The following CEP295 variants were observed in gnomAD, a reference collection of about 807,000 sequenced individuals.
CEP295 encodes the protein centrosomal protein 295.
A neutral mutation model predicts 291.6 loss-of-function variants in CEP295; 190 were observed. That is an observed-to-expected ratio of 0.65 (90% CI 0.58 to 0.73). The LOEUF (loss-of-function observed/expected upper bound fraction) is 0.73, where lower values mean the gene tolerates loss of function less well. CEP295 is among the 30% of genes least tolerant of loss of function. The pLI, the probability that CEP295 is intolerant of heterozygous loss-of-function variation, is 0.00. For synonymous variants in CEP295, 993 were observed against 1,038.8 expected (o/e 0.96, Z 0.85); for missense variants, 2,863 against 2,949.4 (o/e 0.97, Z 0.68).
intron 15 of CEP295, among the ~76,000 whole-genome samples, chr11:93,701,570 T>C (rs1775819320): frequency 6.6e-6 from 1 of 152,026 alleles, no homozygotes; most frequent in Admixed American, 6.5e-5. Flanking sequence ...AAAGATGAAA[T>C]GGAGGCTAAG....
chr11:93,701,424 A>G (rs1409461253), intron 15 of CEP295, among the ~76,000 whole-genome samples: 2 of 152,216 alleles, frequency 1.3e-5, no homozygotes, highest in Non-Finnish European at 2.9e-5. Flanking sequence ...ATAGAATTCT[A>G]CAAATCCTTT....
At chr11:93,688,181 T>C (rs1951340097) in intron 10 of CEP295, among the ~76,000 whole-genome samples, 1 of 152,216 alleles carries the variant, frequency 6.6e-6, no homozygotes, top group Non-Finnish European at 1.5e-5. Context: ...TTTAGTGAAG[T>C]CTTTGCCCAC....
At chr11:93,708,831 G>A (rs1952696545) in intron 18 of CEP295, among the ~76,000 whole-genome samples, 2 of 152,226 alleles carry the variant, frequency 1.3e-5, no homozygotes, top group South Asian at 4.2e-4. Flanking sequence ...TTAGATAAAA[G>A]CCATTTTAAC....
rs769478859 is a variant in CEP295 at position 93,729,582 on chromosome 11, A to G, written c.7400-32A>G. ...CTAATGGAAAGTAGATACTTTGCCT[A>G]TTTCTGTCATAAATTTCTTTTCCCC... On this transcript the variant is annotated intron_variant, in intron 26 of 29. Transcript: ENST00000325212. The G allele has an allele frequency of 5.8e-6, 9 of 1,549,780 alleles. No homozygotes were observed. In the South Asian group the frequency reaches 8.3e-5, roughly 14 times the overall value.
intron 5 of CEP295, among the ~76,000 whole-genome samples, chr11:93,670,068 A>T (rs1950361569): frequency 6.6e-6 from 1 of 152,266 alleles, no homozygotes; most frequent in South Asian, 2.1e-4. Flanking sequence ...TGTCAAAAAA[A>T]TTTTGTTGTT....
chr11:93,669,782 T>G lies in CEP295; in HGVS notation c.528+12T>G. Reference sequence around the variant, plus strand: ...CAACTCTTTTTGAGGTGAGTTTGAGTATTAAGAGGAACTAGGTCATAATTC... The same window carrying G: ...CAACTCTTTTTGAGGTGAGTTTGAGGATTAAGAGGAACTAGGTCATAATTC... On this transcript the variant is annotated intron_variant, in intron 5 of 29. Coordinates refer to ENST00000325212, the MANE Select transcript of CEP295 (RefSeq NM_033395.2). The G allele has an allele frequency of 6.6e-7, 1 of 1,510,440 alleles. No individual in the cohort carries two copies. The highest frequency in any genetic ancestry group is 9.0e-7 in the Non-Finnish European group (1 of 1,110,464). 93.6% of individuals were successfully genotyped at this position (1,510,440 alleles called of 1,614,324 possible).
intron 13 of CEP295, among the ~76,000 whole-genome samples, chr11:93,696,001 T>C (rs1232000741): frequency 6.6e-6 from 1 of 152,140 alleles, no homozygotes; most frequent in Non-Finnish European, 1.5e-5. Context: ...GTAAAATGCC[T>C]TTGTAATTCT....
intron 5 of CEP295, among the ~76,000 whole-genome samples, chr11:93,673,456 C>T (rs1950542385): frequency 6.6e-6 from 1 of 151,994 alleles, no homozygotes; most frequent in Non-Finnish European, 1.5e-5. Flanking sequence ...AGGTAATTCT[C>T]AACTTTGGCT....
Position 93,696,373 on chromosome 11 carries a change from G to A in CEP295, c.1725G>A (p.Arg575=). 5 of 1,550,702 alleles carry A rather than the reference G, an allele frequency of 3.2e-6. No individual in the cohort carries two copies. Among genetic ancestry groups the A allele is most frequent in the Non-Finnish European group, 4.4e-6 (5 of 1,146,306 alleles). The change falls in exon 14 of 30, where the codon AGG becomes AGA. Residue 575 remains arginine, a synonymous_variant. Transcript: ENST00000325212. The stretch of plus-strand genomic sequence containing the variant: ...TAATTTCTGATGAAGATAGTCATAG[G>A]CAGATGATTCGTAACTATCAACATC... The part of the protein sequence containing the change: ...CPVISDEDSH[R]QMIRNYQHQL...
At chr11:93,675,823 T>G (rs1362573720) in intron 6 of CEP295, among the ~76,000 whole-genome samples, 157 bp downstream of exon 6, 2 of 152,118 alleles carry the variant, frequency 1.3e-5, no homozygotes, top group Non-Finnish European at 2.9e-5. Context: ...AATTTTCATG[T>G]CAGGCATATG....
intron 1 of CEP295, among the ~76,000 whole-genome samples, chr11:93,666,391 C>G (rs773509783): frequency 1.3e-5 from 2 of 152,094 alleles, no homozygotes; most frequent in Non-Finnish European, 2.9e-5. Flanking sequence ...GCCAAGAGTT[C>G]GAGACCAGCC....
chr11:93,729,381 G>A, intron 25 of CEP295, 53 bp from the exon 26 acceptor site: 6 of 1,236,518 alleles, frequency 4.9e-6, no homozygotes, highest in Non-Finnish European at 7.0e-6. Flanking sequence ...AGCAGAGCAA[G>A]ACCCGCTTAA....
chr11:93,729,762 TAAAGAG>T lies in CEP295; in HGVS notation c.7552_7557del (p.Glu2518_Lys2519del). ...CTGAAAATTCTCAAATCAAAACAGT[TAAAGAG>T]AAACCATCTATAAGTATGTTGAATT... On this transcript the variant is annotated inframe_deletion, in exon 27 of 30. Coordinates refer to ENST00000325212, the MANE Select transcript of CEP295 (RefSeq NM_033395.2). 6.5e-7 allele frequency: 1 copy of T among 1,546,598 alleles called. No homozygotes were observed. The highest frequency in any genetic ancestry group is 8.7e-7 in the Non-Finnish European group (1 of 1,144,302).
rs1953917514 is a variant in CEP295, at chr11:93,723,584, TC to T, written c.6196+296del. 49 of 230,178 alleles carry T rather than the reference TC, an allele frequency of 2.1e-4. 4 individuals carry two copies. The South Asian group carries it at 3.6e-3, about 17-fold the overall frequency. 14.3% of individuals were successfully genotyped at this position (230,178 alleles called of 1,614,324 possible). On this transcript the variant is annotated intron_variant, in intron 21 of 29. Coordinates refer to ENST00000325212, the MANE Select transcript of CEP295 (RefSeq NM_033395.2). ...ATAAATAAGAGCAGGAGCTCAGAAA[TC>T]ATACAGTTCTGGATTTGAGTCATAG...
intron 20 of CEP295, chr11:93,722,404 A>G (rs960046310): frequency 6.3e-5 from 13 of 206,234 alleles, no homozygotes; most frequent in Admixed American, 1.1e-4. Context: ...CAAGGCTGCA[A>G]TGAGCCACAA....
chr11:93,711,934 G>C (rs1465548421), intron 18 of CEP295, among the ~76,000 whole-genome samples: 1 of 152,070 alleles, frequency 6.6e-6, no homozygotes, highest in African/African-American at 2.4e-5. Flanking sequence ...GTAGCCATTG[G>C]ATGAAATGTT....
intron 22 of CEP295, among the ~76,000 whole-genome samples, chr11:93,725,259 A>G (rs1007870887): frequency 1.3e-5 from 2 of 151,828 alleles, no homozygotes; most frequent in Non-Finnish European, 2.9e-5. Flanking sequence ...AAAAAAAAAA[A>G]GGAAAACAGC....
chr11:93,669,568 G>C, intron 4 of CEP295, 109 bp from the exon 5 acceptor site: 1 of 646,748 alleles, frequency 1.5e-6, no homozygotes, highest in Admixed American at 2.8e-5. Flanking sequence ...CTGAGCCTGT[G>C]GAATCAGACT....
intron 7 of CEP295, among the ~76,000 whole-genome samples, chr11:93,682,583 A>G (rs1476339951): frequency 7.2e-6 from 1 of 139,088 alleles, no homozygotes; most frequent in Non-Finnish European, 1.6e-5. Context: ...TGTTCCTTAT[A>G]TAAGAAGGTT....
Sources: allele counts gnomAD v4.1 joint callset (sites outside exome capture counted in the v4.1 genomes callset), GRCh38; gene constraint gnomAD v4.1.1; transcripts MANE v1.5; gene names NCBI Gene and HGNC (gene_info 2026-07-23, HGNC 2026-07-21).